The following DLAT variants were observed in gnomAD, a reference collection of about 807,000 sequenced individuals.
DLAT encodes the protein dihydrolipoyllysine-residue acetyltransferase component of pyruvate dehydrogenase complex, mitochondrial.
DLAT carries 43 observed loss-of-function variants against 68.0 expected under a neutral mutation model. The ratio of observed to expected loss-of-function variants is 0.63; its 90% CI spans 0.50 to 0.81. DLAT has a LOEUF of 0.81. DLAT is among the 40% of genes least tolerant of loss of function. The pLI is 0.00. For synonymous variants in DLAT, 265 were observed against 288.6 expected, an observed-to-expected ratio of 0.92 and a Z score of 0.83; for missense variants, 745 against 815.4, an observed-to-expected ratio of 0.91 and a Z score of 1.05.
intron 5 of DLAT, among the ~76,000 whole-genome samples, chr11:112,035,506 G>T (rs9704860): frequency 0.99 from 147,913 of 149,162 alleles, 73,333 homozygotes; most frequent in East Asian, 1. Flanking sequence ...TTTTTTTTTT[G>T]GAAACAGAGT....
chr11:112,027,960 G>A (rs1862167795), intron 2 of DLAT, among the ~76,000 whole-genome samples: 1 of 150,562 alleles, frequency 6.6e-6, no homozygotes. Context: ...AGGGTAAGTT[G>A]TTTTAAAGTA....
Position 112,051,194 on chromosome 11 carries a change from A to G in DLAT, c.1399-40A>G. ...CCTGAAACTTAAAATTAAAATTAAA[A>G]TTAAAAAAGAAGAAACTACAGTTCT... On this transcript the variant is annotated intron_variant, in intron 10 of 13. Transcript: ENST00000280346. This position sits in a 1 kb window ranked among gnomAD's most constrained non-coding sequence, Gnocchi z 4.3. The G allele has an allele frequency of 7.3e-7, 1 of 1,361,516 alleles. No homozygotes were observed. The highest frequency in any genetic ancestry group is 1.0e-6 in the Non-Finnish European group (1 of 974,098). 84.3% of individuals were successfully genotyped at this position (1,361,516 alleles called of 1,614,324 possible).
intron 6 of DLAT, among the ~76,000 whole-genome samples, chr11:112,039,020 G>GT (rs1862917263): frequency 6.6e-6 from 1 of 152,124 alleles, no homozygotes; most frequent in Non-Finnish European, 1.5e-5. Context: ...ATGGAATAAG[G>GT]TAACTGTTCT....
At chr11:112,039,443 T>A in intron 7 of DLAT, 46 bp downstream of exon 7, 2 of 1,597,992 alleles carry the variant, frequency 1.3e-6, no homozygotes, top group Non-Finnish European at 1.7e-6. Context: ...TAAAATTTAG[T>A]TGAATTTCCT....
At chr11:112,039,543 A>C in intron 7 of DLAT, 146 bp downstream of exon 7, 3 of 890,962 alleles carry the variant, frequency 3.4e-6, no homozygotes, top group Non-Finnish European at 1.8e-6. Context: ...GAAGGGAGAA[A>C]TAGTTCTTTT....
chr11:112,040,620 A>G (rs939076134), intron 7 of DLAT, among the ~76,000 whole-genome samples: 7 of 152,204 alleles, frequency 4.6e-5, no homozygotes, highest in African/African-American at 7.2e-5. Flanking sequence ...ATCCCAAGAC[A>G]CAAGAGTAGA....
At chr11:112,037,872 T>C (rs1862858897) in intron 6 of DLAT, among the ~76,000 whole-genome samples, 1 of 151,956 alleles carries the variant, frequency 6.6e-6, no homozygotes, top group Non-Finnish European at 1.5e-5. Context: ...CCATTTATTA[T>C]TAAATATACT....
At chr11:112,030,155 A>C in intron 4 of DLAT, 1 of 665,094 alleles carries the variant, frequency 1.5e-6, no homozygotes, top group Admixed American at 1.8e-5. Flanking sequence ...AAATCATGAA[A>C]TCCTTTATGA....
At chr11:112,047,539 C>T (rs1863382852) in intron 10 of DLAT, among the ~76,000 whole-genome samples, 1 of 152,158 alleles carries the variant, frequency 6.6e-6, no homozygotes, top group Admixed American at 6.5e-5. Flanking sequence ...AGTCTTTGCC[C>T]ATGCCTGTGT....
Position 112,033,505 on chromosome 11 carries a change from G to C in DLAT, c.762G>C (p.Glu254Asp), listed in dbSNP as rs1555180132. 2.5e-6 allele frequency: 4 copies of C among 1,613,866 alleles called. No homozygotes were observed. Among genetic ancestry groups the C allele is most frequent in the Non-Finnish European group, 3.4e-6 (4 of 1,179,884 alleles). Residue 254 changes from glutamate (E) to aspartate (D), a missense_variant, in exon 5 of 14, where the codon GAG becomes GAC. Transcript: ENST00000280346. ...EKLSEGDLLA[E>D]IETDKATIGF... is the part of the protein sequence containing the mutation. Reference sequence around the variant, plus strand: ...TAAGTGAAGGAGACTTACTGGCAGAGATAGAAACTGACAAAGCCACTATAG... The same window carrying C: ...TAAGTGAAGGAGACTTACTGGCAGACATAGAAACTGACAAAGCCACTATAG...
intron 13 of DLAT, 45 bp from the exon 14 acceptor site, chr11:112,062,361 A>C (rs782790896): frequency 1.9e-6 from 3 of 1,608,518 alleles, no homozygotes; most frequent in Non-Finnish European, 2.5e-6. Flanking sequence ...GCTGAAATGC[A>C]GTATTTTCTT....
chr11:112,057,427 A>G (rs958672638), intron 11 of DLAT, among the ~76,000 whole-genome samples: 3 of 152,266 alleles, frequency 2.0e-5, no homozygotes, highest in Non-Finnish European at 2.9e-5. Context: ...CTTGTGCCAA[A>G]CAGCCAACTT....
At chr11:112,036,280 C>T (rs1186601984) in intron 5 of DLAT, among the ~76,000 whole-genome samples, 1 of 133,006 alleles carries the variant, frequency 7.5e-6, no homozygotes, top group Admixed American at 8.5e-5. Context: ...ATGGCACGAT[C>T]TCGGCTCACC....
At position 112,054,538 on chromosome 11, in the gene DLAT, C is replaced by T. The variant is rs190206380; in HGVS notation, c.1514+3189C>T. On this transcript the variant is annotated intron_variant, in intron 11 of 13. Transcript: ENST00000280346. The stretch of plus-strand genomic sequence containing the variant: ...TGAATTCTTTCTGAAACTCCACAAG[C>T]GAGGAGAGGAGATTCAGAAACCATT... Among the ~76,000 whole-genome samples the T allele has an allele frequency of 3.9e-5, 6 of 152,184 alleles. No homozygotes were observed. The South Asian group carries it at 1.0e-3, about 26-fold the overall frequency.
In DLAT at chr11:112,061,116, T is replaced by C. The variant is rs1336564457; in HGVS notation, c.1756T>C (p.Cys586Arg). The change falls in exon 13 of 14, where the codon TGT becomes CGT. Residue 586 changes from cysteine (C) to arginine (R), a missense_variant. By Grantham distance (180) the Cys-to-Arg change is radical. Transcript: ENST00000280346. ...TGCTATTATTAACCCACCTCAAGCA[T>C]GTATTTTGGCAATTGGTGCTTCAGA... The part of the protein sequence containing the change: ...FSAIINPPQA[C>R]ILAIGASEDK... The C allele has an allele frequency of 6.2e-7, 1 of 1,614,124 alleles. No individual in the cohort carries two copies. The highest frequency in any genetic ancestry group is 8.5e-7 in the Non-Finnish European group (1 of 1,179,972).
In DLAT at chr11:112,039,317, G is replaced by T. The variant is rs587691942; in HGVS notation, c.1049G>T (p.Gly350Val). The change falls in exon 7 of 14, where the codon GGA becomes GTA. Residue 350 changes from glycine to valine, a missense_variant. Gly to Val is a moderately radical substitution (Grantham distance 109). Coordinates refer to ENST00000280346, the MANE Select transcript of DLAT (RefSeq NM_001931.5). ...PSAPCPATPA[G>V]PKGRVFVSPL... ...GCACCCTGCCCAGCTACTCCTGCTG[G>T]ACCAAAGGGAAGGGTGTTTGTTAGC... is the stretch of plus-strand genomic sequence containing the variant. 142 of 1,614,082 alleles carry T rather than the reference G, an allele frequency of 8.8e-5. No individual in the cohort carries two copies. The South Asian group carries it at 1.3e-3, about 15-fold the overall frequency.
In DLAT at chr11:112,026,252, G is replaced by C. The variant is rs1044144189; in HGVS notation, c.334G>C (p.Glu112Gln). 3.1e-6 allele frequency: 5 copies of C among 1,600,868 alleles called. No homozygotes were observed. Among genetic ancestry groups the C allele is most frequent in the Non-Finnish European group, 4.3e-6 (5 of 1,174,640 alleles). Reference sequence around the variant, plus strand: ...GCAGGCAGGCACCATAGCCCGTTGGGAAAAAAAAGAGGGGGACAAAATCAA... The same window carrying C: ...GCAGGCAGGCACCATAGCCCGTTGGCAAAAAAAAGAGGGGGACAAAATCAA... ...TMQAGTIARW[E>Q]KKEGDKINEG... The change falls in exon 2 of 14, where the codon GAA (glutamate) becomes CAA (glutamine). Residue 112 changes from glutamate to glutamine, a missense_variant. Glu to Gln is a conservative substitution (Grantham distance 29, BLOSUM62 2). Transcript: ENST00000280346.
At chr11:112,039,519 T>A in intron 7 of DLAT, 122 bp downstream of exon 7, 1 of 1,024,182 alleles carries the variant, frequency 9.8e-7, no homozygotes, top group Non-Finnish European at 1.5e-6. Context: ...GGACAATCAT[T>A]AATAATTCCT....
At chr11:112,060,358 C>T (rs1340302165) in intron 12 of DLAT, among the ~76,000 whole-genome samples, 1 of 151,720 alleles carries the variant, frequency 6.6e-6, no homozygotes, top group Non-Finnish European at 1.5e-5. Flanking sequence ...GACTGGTTTT[C>T]ACCATGTTGG....
Sources: allele counts gnomAD v4.1 joint callset (sites outside exome capture counted in the v4.1 genomes callset), GRCh38; gene constraint gnomAD v4.1.1; non-coding constraint Gnocchi (gnomAD v3.1); transcripts MANE v1.5; gene names NCBI Gene and HGNC (gene_info 2026-07-23, HGNC 2026-07-21).